Variants in MTFR1 observed in about 807,000 individuals in gnomAD.
The protein encoded by MTFR1 is chondrocyte protein with a poly-proline region.
In MTFR1, 28 loss-of-function variants were observed where a neutral mutation model predicts 38.8. The observed-to-expected ratio is 0.72, with a 90% CI of 0.53 to 0.99. The LOEUF is 0.99. Ranked by LOEUF, MTFR1 falls within the 50% of genes least tolerant of loss-of-function variation. The probability of loss-of-function intolerance (pLI) is 0.00; values close to 1 mark genes in which losing one functional copy is unlikely to be tolerated. For synonymous variants in MTFR1, 145 were observed against 137.0 expected (o/e 1.06, Z -0.41); for missense variants, 358 against 395.5 (o/e 0.91, Z 0.81).
rs372314661 is a variant in MTFR1, at chr8:65,683,477, T to G, written c.165+1026T>G. ...GTATTAGACATTTATCACATAACTT[T>G]GTTCTTTTTTTTAGCAATTCTTTAC... On this transcript the variant is annotated intron_variant, in intron 3 of 7. Transcript: ENST00000262146. Among the ~76,000 whole-genome samples, 18 of 151,538 alleles carry G rather than the reference T, an allele frequency of 1.2e-4. 1 individual carries two copies. The highest frequency in any genetic ancestry group is 7.7e-4 in the East Asian group (4 of 5,170).
chr8:65,710,947 T>C (rs1805925956), downstream of MTFR1, among the ~76,000 whole-genome samples: 1 of 151,770 alleles, frequency 6.6e-6, no homozygotes. Flanking sequence ...AACTTTCCTA[T>C]GTTTTGTCTG....
At chr8:65,719,823 C>T (rs529116112) in intron 3 of MTFR1, 6 of 304,660 alleles carry the variant, frequency 2.0e-5, no homozygotes, top group East Asian at 7.5e-5. Context: ...TGAGGATACT[C>T]GGGCATAGCC....
downstream of MTFR1, among the ~76,000 whole-genome samples, chr8:65,711,852 C>CTTGT (rs1805956128): frequency 1.3e-5 from 2 of 152,290 alleles, no homozygotes; most frequent in East Asian, 1.9e-4. Flanking sequence ...TCTCCAGCCC[C>CTTGT]TTGTTAAGGT....
intron 4 of MTFR1, among the ~76,000 whole-genome samples, chr8:65,704,252 T>G (rs764860318): frequency 6.6e-6 from 1 of 152,190 alleles, no homozygotes; most frequent in Non-Finnish European, 1.5e-5. Flanking sequence ...GATTAAAGAG[T>G]AATTTGTCCT....
At chr8:65,710,988 TATAGAGAG>T (rs962649345), downstream of MTFR1, among the ~76,000 whole-genome samples, 2 of 147,910 alleles carry the variant, frequency 1.4e-5, no homozygotes, top group East Asian at 1.9e-4. Flanking sequence ...CATATATATA[TATAGAGAG>T]AGAGAGAGAG....
At position 65,693,756 on chromosome 8, in the gene MTFR1, T is replaced by C; in HGVS notation, c.278T>C (p.Leu93Pro). 6.2e-7 allele frequency: 1 copy of C among 1,612,608 alleles called. No individual in the cohort carries two copies. The highest frequency in any genetic ancestry group is 8.5e-7 in the Non-Finnish European group (1 of 1,178,640). ...AKEEGECSARLRTEVRSRPPL... is the reference protein window; with the variant it reads ...AKEEGECSARPRTEVRSRPPL... ...GAAGAAGGAGAGTGTTCAGCAAGAC[T>C]AAGGTTAGTTTGGAAGGCTATCAGA... is the stretch of plus-strand genomic sequence containing the variant. Residue 93 changes from leucine (L) to proline (P), a missense_variant, in exon 4 of 8, where the codon CTA becomes CCA. Physicochemically the swap from Leu to Pro is moderately conservative, Grantham distance 98. Coordinates refer to ENST00000262146, the MANE Select transcript of MTFR1 (RefSeq NM_014637.4).
intron 3 of MTFR1, among the ~76,000 whole-genome samples, chr8:65,750,248 G>A (rs994023018): frequency 1.3e-5 from 2 of 152,108 alleles, no homozygotes; most frequent in Admixed American, 6.5e-5. Context: ...CATTAGAGCC[G>A]ACACACTTAG....
chr8:65,698,602 A>C (rs1014068718), intron 4 of MTFR1, among the ~76,000 whole-genome samples: 1 of 152,180 alleles, frequency 6.6e-6, no homozygotes, highest in Non-Finnish European at 1.5e-5. Flanking sequence ...TTACATGGGT[A>C]AATTGCATGT....
chr8:65,723,525 A>G (rs1187816579), intron 3 of MTFR1: 1 of 1,515,542 alleles, frequency 6.6e-7, no homozygotes, highest in South Asian at 1.4e-5. Context: ...AGCTATATCT[A>G]AATATGTATA....
chr8:65,776,582 G>A, the MTFR1 span, among the ~76,000 whole-genome samples: 15 of 152,096 alleles, frequency 9.9e-5, no homozygotes, highest in East Asian at 2.1e-3. Context: ...ATTTTTCTAT[G>A]TAATCACTTA....
Position 65,682,428 on chromosome 8 carries a change from C to T in MTFR1, c.142C>T (p.Gln48Ter). The T allele has an allele frequency of 6.4e-7, 1 of 1,557,514 alleles. No homozygotes were observed. Among genetic ancestry groups the T allele is most frequent in the Non-Finnish European group, 8.7e-7 (1 of 1,148,894 alleles). Residue 48 changes from glutamine (Q) to a stop codon, truncating the protein, a stop_gained, in exon 3 of 8, where the codon CAG (glutamine) becomes TAG (stop). Transcript: ENST00000262146. LOFTEE classifies it high-confidence loss of function. Reference protein sequence around the residue: ...RKIGTNLSLIQCPRVQFQINS... With the variant: ...RKIGTNLSLI Reference sequence around the variant, plus strand: ...AATTGGTACTAATTTGTCTCTGATTCAGTGTCCAAGAGTTCAGTTTCAGGT... The same window carrying T: ...AATTGGTACTAATTTGTCTCTGATTTAGTGTCCAAGAGTTCAGTTTCAGGT...
intron 3 of MTFR1, among the ~76,000 whole-genome samples, chr8:65,686,277 T>G (rs1805068510): frequency 6.6e-6 from 1 of 152,102 alleles, no homozygotes; most frequent in Admixed American, 6.6e-5. Flanking sequence ...TTTTATAAAT[T>G]TTGACACTGT....
At chr8:65,688,563 C>G (rs900486950) in intron 3 of MTFR1, among the ~76,000 whole-genome samples, 1 of 150,328 alleles carries the variant, frequency 6.7e-6, no homozygotes, top group African/African-American at 2.4e-5. Flanking sequence ...ATTCTCCTGC[C>G]TCAGCCTCCT....
intron 3 of MTFR1, among the ~76,000 whole-genome samples, chr8:65,753,433 T>C (rs1384736750): frequency 6.6e-6 from 1 of 152,198 alleles, no homozygotes. Flanking sequence ...GAGACTGCAC[T>C]GGACCCTGCT....
chr8:65,754,654 C>A (rs1808133488), intron 3 of MTFR1, among the ~76,000 whole-genome samples: 1 of 149,008 alleles, frequency 6.7e-6, no homozygotes, highest in Non-Finnish European at 1.5e-5. Context: ...CTTCTATATG[C>A]CTTGTTTTTT....
At position 65,650,479 on chromosome 8, in the gene MTFR1, C is replaced by T. The variant is rs190718450; in HGVS notation, c.-81+5695C>T. Among the ~76,000 whole-genome samples, 4 of 152,222 alleles carry T rather than the reference C, an allele frequency of 2.6e-5. No individual in the cohort carries two copies. In the East Asian group the frequency reaches 7.7e-4, roughly 29 times the overall value. ...GAGCCACCGCGCCTAGCCAACCATCCTTATACTCTTATCTGCATGAGTTAA... is the reference window on the plus strand; with the variant it reads ...GAGCCACCGCGCCTAGCCAACCATCTTTATACTCTTATCTGCATGAGTTAA... On this transcript the variant is annotated intron_variant, in intron 1 of 7. Transcript: ENST00000262146.
intron 3 of MTFR1, among the ~76,000 whole-genome samples, chr8:65,768,220 A>G (rs1410362841): frequency 6.6e-6 from 1 of 152,324 alleles, no homozygotes; most frequent in South Asian, 2.1e-4. Context: ...AAATTTAAAC[A>G]GTATCTTTAA....
At chr8:65,674,264 C>A (rs1298289430) in intron 2 of MTFR1, among the ~76,000 whole-genome samples, 1 of 151,472 alleles carries the variant, frequency 6.6e-6, no homozygotes, top group Non-Finnish European at 1.5e-5. Context: ...TGCTTTAAAG[C>A]ATTCCAAGAG....
chr8:65,700,366 AG>A (rs370277681), intron 4 of MTFR1, among the ~76,000 whole-genome samples: 2,672 of 147,972 alleles, frequency 0.018, 67 homozygotes, highest in African/African-American at 0.057. Context: ...AAAAAAAAAA[AG>A]AAAAAAGAAA....
Sources: allele counts gnomAD v4.1 joint callset (sites outside exome capture counted in the v4.1 genomes callset), GRCh38; gene constraint gnomAD v4.1.1; transcripts MANE v1.5; gene names NCBI Gene and HGNC (gene_info 2026-07-23, HGNC 2026-07-21).